The following BMERB1 variants were observed in gnomAD, a reference collection of about 807,000 sequenced individuals.
BMERB1 encodes the protein bMERB domain-containing protein 1.
A neutral mutation model predicts 23.6 loss-of-function variants in BMERB1; 12 were observed. The observed-to-expected ratio is 0.51, with a 90% CI of 0.33 to 0.82. The LOEUF (loss-of-function observed/expected upper bound fraction) is 0.82. Ranked by LOEUF, BMERB1 falls within the 40% of genes least tolerant of loss-of-function variation. The pLI is 0.03. For synonymous variants in BMERB1, 122 were observed against 96.6 expected (o/e 1.26, Z -1.54); for missense variants, 247 against 255.4 (o/e 0.97, Z 0.22).
chr16:15,520,080 T>A (rs927372179), intron 2 of BMERB1, among the ~76,000 whole-genome samples: 3 of 151,990 alleles, frequency 2.0e-5, no homozygotes, highest in Non-Finnish European at 4.4e-5. Context: ...GCTTCTTGAG[T>A]CCTCGCAAGA....
intron 1 of BMERB1, among the ~76,000 whole-genome samples, chr16:15,465,215 G>A (rs1463435185): frequency 6.6e-6 from 1 of 152,046 alleles, no homozygotes; most frequent in Non-Finnish European, 1.5e-5. Context: ...ATTGGGTGAA[G>A]GTTTTTTAGG....
chr16:15,476,383 G>A (rs1320958388), intron 1 of BMERB1, among the ~76,000 whole-genome samples: 4 of 152,164 alleles, frequency 2.6e-5, no homozygotes, highest in East Asian at 3.9e-4. Flanking sequence ...GGCTGGTCTC[G>A]AACTCCTTAC....
chr16:15,444,135 T>TTTTTTTTTTTTTTTTTTTTTTTTTTTG, intron 1 of BMERB1, among the ~76,000 whole-genome samples: 1 of 119,730 alleles, frequency 8.4e-6, no homozygotes, highest in African/African-American at 3.0e-5. Flanking sequence ...TTTTTTTTTT[T>TTTTTTTTTTTTTTTTTTTTTTTTTTTG]TTTTTTTTTT....
chr16:15,505,146 T>TGG (rs2051573596), intron 1 of BMERB1, among the ~76,000 whole-genome samples: 1 of 152,184 alleles, frequency 6.6e-6, no homozygotes, highest in South Asian at 2.1e-4. Flanking sequence ...TTTTACATCC[T>TGG]ATCCAACACA....
At chr16:15,554,229 G>A (rs1480800534) in intron 2 of BMERB1, among the ~76,000 whole-genome samples, 2 of 152,100 alleles carry the variant, frequency 1.3e-5, no homozygotes, top group African/African-American at 2.4e-5. Context: ...AGTCCCAGTC[G>A]AGAGCATGGG....
At chr16:15,442,200 G>A (rs1376029840) in intron 1 of BMERB1, among the ~76,000 whole-genome samples, 17 of 151,960 alleles carry the variant, frequency 1.1e-4, no homozygotes, top group African/African-American at 2.2e-4. Flanking sequence ...GCGTGGTGGC[G>A]CATGCCTGTA....
chr16:15,472,764 G>A (rs879426393), intron 1 of BMERB1, among the ~76,000 whole-genome samples: 1 of 151,698 alleles, frequency 6.6e-6, no homozygotes, highest in Admixed American at 6.6e-5. Flanking sequence ...TAGGATTTAA[G>A]TCTGCCATTT....
At chr16:15,512,906 G>A (rs545703002) in intron 1 of BMERB1, among the ~76,000 whole-genome samples, 1 of 151,812 alleles carries the variant, frequency 6.6e-6, no homozygotes, top group Admixed American at 6.6e-5. Context: ...AAAGGAAAAA[G>A]AGAACAACTT....
intron 1 of BMERB1, chr16:15,448,108 T>G (rs1181923950): frequency 2.9e-6 from 1 of 342,924 alleles, no homozygotes; most frequent in Non-Finnish European, 5.7e-6. Flanking sequence ...CAGGCTGGTC[T>G]CAAACTCCTG....
intron 2 of BMERB1, among the ~76,000 whole-genome samples, chr16:15,523,987 TG>T (rs2051881688): frequency 6.6e-6 from 1 of 152,128 alleles, no homozygotes; most frequent in Non-Finnish European, 1.5e-5. Context: ...CCTGGGGCCT[TG>T]ATTTTATTAT....
intron 2 of BMERB1, among the ~76,000 whole-genome samples, chr16:15,527,098 A>G (rs930549443): frequency 1.3e-5 from 2 of 151,972 alleles, no homozygotes; most frequent in African/African-American, 2.4e-5. Context: ...AATATTTACT[A>G]TCTGAAACCA....
chr16:15,583,923 T>C, intron 5 of BMERB1: 1 of 685,520 alleles, frequency 1.5e-6, no homozygotes, highest in South Asian at 1.5e-5. Context: ...CTGGTAGTTG[T>C]TCCTCCCTAA....
chr16:15,533,334 A>G (rs1391294454), intron 2 of BMERB1, among the ~76,000 whole-genome samples: 1 of 151,892 alleles, frequency 6.6e-6, no homozygotes, highest in Non-Finnish European at 1.5e-5. Flanking sequence ...CTCAAGGGGC[A>G]CCTAAGATTT....
intron 5 of BMERB1, among the ~76,000 whole-genome samples, chr16:15,584,354 C>T (rs565907145): frequency 6.6e-6 from 1 of 151,880 alleles, no homozygotes; most frequent in African/African-American, 2.4e-5. Flanking sequence ...GTCAGGAGAT[C>T]GACACCATCC....
chr16:15,475,051 G>A (rs994548700), intron 1 of BMERB1, among the ~76,000 whole-genome samples: 1 of 152,232 alleles, frequency 6.6e-6, no homozygotes, highest in East Asian at 1.9e-4. Flanking sequence ...TGGTTGGGAT[G>A]TATATTCACT....
chr16:15,502,028 C>A (rs1290339615), intron 1 of BMERB1, among the ~76,000 whole-genome samples: 3 of 152,166 alleles, frequency 2.0e-5, no homozygotes, highest in African/African-American at 7.2e-5. Context: ...TCTTTTATGA[C>A]CCCCGATTTA....
intron 1 of BMERB1, among the ~76,000 whole-genome samples, chr16:15,439,867 G>A (rs1035412878): frequency 6.6e-6 from 1 of 152,122 alleles, no homozygotes; most frequent in African/African-American, 2.4e-5. Flanking sequence ...TGATAGATTT[G>A]TATGTGTCTT....
intron 1 of BMERB1, among the ~76,000 whole-genome samples, chr16:15,488,901 G>GTA (rs2051391089): frequency 1.0e-5 from 1 of 98,768 alleles, no homozygotes; most frequent in Non-Finnish European, 2.1e-5. Flanking sequence ...AACTGCATAT[G>GTA]CAAAAAAAAA....
At chr16:15,467,399 T>A (rs1225567007) in intron 1 of BMERB1, among the ~76,000 whole-genome samples, 1 of 152,208 alleles carries the variant, frequency 6.6e-6, no homozygotes, top group Admixed American at 6.5e-5. Context: ...AGGTGTGCAG[T>A]GACATCTTGT....
Sources: gnomAD v4.1 joint callset for allele counts (sites outside exome capture counted in the v4.1 genomes callset) on GRCh38, gnomAD v4.1.1 for gene constraint, MANE v1.5 for transcripts, NCBI Gene and HGNC (gene_info 2026-07-23, HGNC 2026-07-21) for gene names.